RXRG: variants seen among roughly 807,000 people sequenced by gnomAD.
RXRG encodes the protein retinoid X receptor gamma, also known as retinoic acid receptor RXR-gamma.
In RXRG, 19 loss-of-function variants were observed where a neutral mutation model predicts 49.2. The ratio of observed to expected loss-of-function variants is 0.39; its 90% confidence interval spans 0.27 to 0.57. The LOEUF (loss-of-function observed/expected upper bound fraction) is 0.57, where lower values mean the gene tolerates loss of function less well. Ranked by LOEUF, RXRG falls within the 20% of genes least tolerant of loss-of-function variation. The probability of loss-of-function intolerance (pLI) is 0.64; values close to 1 mark genes in which losing one functional copy is unlikely to be tolerated. For synonymous variants in RXRG, 224 were observed against 216.6 expected, an observed-to-expected ratio of 1.03 and a Z score of -0.30; for missense variants, 452 against 592.5, an observed-to-expected ratio of 0.76 and a Z score of 2.46.
intron 9 of RXRG, among the ~76,000 whole-genome samples, chr1:165,406,367 G>C (rs543908123): frequency 6.6e-6 from 1 of 152,306 alleles, no homozygotes; most frequent in African/African-American, 2.4e-5. Context: ...GGTTTCTATG[G>C]GGGCAGACCA....
intron 9 of RXRG, among the ~76,000 whole-genome samples, chr1:165,401,807 G>A (rs902896388): frequency 3.3e-5 from 5 of 152,198 alleles, no homozygotes; most frequent in African/African-American, 4.8e-5. Context: ...AGAGCCAAGC[G>A]TGAGACACTG....
chr1:165,440,133 C>A (rs917730197), intron 1 of RXRG, among the ~76,000 whole-genome samples: 2 of 152,206 alleles, frequency 1.3e-5, no homozygotes, highest in Non-Finnish European at 2.9e-5. Context: ...TGGGTAACTG[C>A]TGTAAGAATT....
intron 9 of RXRG, among the ~76,000 whole-genome samples, 183 bp downstream of exon 9, chr1:165,406,629 G>A (rs535605431): frequency 6.6e-6 from 1 of 152,334 alleles, no homozygotes; most frequent in South Asian, 2.1e-4. Context: ...GGAGTGAATG[G>A]TGAGCAAGAC....
intron 4 of RXRG, among the ~76,000 whole-genome samples, chr1:165,414,912 C>A (rs1658079426): frequency 6.6e-6 from 1 of 152,174 alleles, no homozygotes; most frequent in Non-Finnish European, 1.5e-5. Context: ...CTGATTTCAG[C>A]ATTCAGTTTA....
chr1:165,407,006 T>C, intron 8 of RXRG, 89 bp from the exon 9 acceptor site: 1 of 856,210 alleles, frequency 1.2e-6, no homozygotes, highest in Non-Finnish European at 1.9e-6. Context: ...GTAGAGTTAC[T>C]AGAGACACCC....
At chr1:165,437,641 T>C (rs1313327250) in intron 1 of RXRG, among the ~76,000 whole-genome samples, 1 of 152,068 alleles carries the variant, frequency 6.6e-6, no homozygotes, top group Non-Finnish European at 1.5e-5. Context: ...TGCACATAAT[T>C]GATGTTCAAG....
chr1:165,408,100 C>T (rs1383213589), intron 8 of RXRG, 127 bp downstream of exon 8: 17 of 761,932 alleles, frequency 2.2e-5, no homozygotes, highest in Non-Finnish European at 3.3e-5. Flanking sequence ...ACTGTGAGCT[C>T]TCCTGGATTC....
intron 1 of RXRG, among the ~76,000 whole-genome samples, chr1:165,434,272 A>ATGTGTG (rs1491272318): frequency 0.017 from 1,105 of 66,744 alleles, 21 homozygotes; most frequent in Admixed American, 0.038. Context: ...AATGAATTGC[A>ATGTGTG]TGTGTGTATG....
At chr1:165,430,766 A>G (rs999928999) in intron 1 of RXRG, among the ~76,000 whole-genome samples, 2 of 152,260 alleles carry the variant, frequency 1.3e-5, no homozygotes, top group African/African-American at 4.8e-5. Context: ...ATAACTCTTT[A>G]TCCTGACAAT....
At chr1:165,419,711 G>A (rs157869) in intron 3 of RXRG, among the ~76,000 whole-genome samples, 159 bp downstream of exon 3, 64,055 of 152,072 alleles carry the variant, frequency 0.42, 14,207 homozygotes, top group African/African-American at 0.55. Flanking sequence ...TCATCAAAAC[G>A]GCAGCCTGTG....
intron 2 of RXRG, chr1:165,424,994 C>G: frequency 4.1e-6 from 4 of 983,746 alleles, no homozygotes; most frequent in Non-Finnish European, 4.8e-6. Context: ...TGAGCTTCCC[C>G]AGCACTTGGC....
chr1:165,410,799 A>G lies in RXRG; in HGVS notation c.816T>C (p.Ala272=). ...CGAGGGTGAAAAGCTGCTTGTCAGC[A>G]GCATGACATATGTTGGTAACAGGGT... ...TNDPVTNICH[A]ADKQLFTLVE... Residue 272 remains alanine (A), a synonymous_variant, in exon 6 of 10, where the codon GCT becomes GCC. Transcript: ENST00000359842. 1 of 1,614,226 alleles carries G rather than the reference A, an allele frequency of 6.2e-7. No individual in the cohort carries two copies. The highest frequency in any genetic ancestry group is 8.5e-7 in the Non-Finnish European group (1 of 1,180,024).
chr1:165,413,506 T>C (rs959656639), intron 4 of RXRG, among the ~76,000 whole-genome samples: 1 of 152,028 alleles, frequency 6.6e-6, no homozygotes, highest in Non-Finnish European at 1.5e-5. Context: ...AGCCAGCACA[T>C]GCACCCACAA....
intron 2 of RXRG, 98 bp downstream of exon 2, chr1:165,428,621 G>A (rs1415472146): frequency 1.7e-5 from 24 of 1,378,916 alleles, no homozygotes; most frequent in African/African-American, 1.0e-4. Context: ...TGGCAAGCAC[G>A]CATTATGGAC....
chr1:165,428,120 G>T (rs893762431), intron 2 of RXRG, among the ~76,000 whole-genome samples: 2 of 152,072 alleles, frequency 1.3e-5, no homozygotes, highest in African/African-American at 4.8e-5. Flanking sequence ...AGGCTCTGCA[G>T]AGTAGCAATC....
At chr1:165,429,632 G>A (rs547467169) in intron 1 of RXRG, among the ~76,000 whole-genome samples, 3 of 152,244 alleles carry the variant, frequency 2.0e-5, no homozygotes, top group Non-Finnish European at 2.9e-5. Context: ...ATAGTACAGG[G>A]TTAATTAGCA....
At position 165,444,945 on chromosome 1, in the gene RXRG, CCT is replaced by C; in HGVS notation, c.-54_-53del. On this transcript the variant is annotated 5_prime_UTR_variant, in exon 1 of 10. Transcript: ENST00000359842. ...CCTGTGCAGCTTCTAAATATTACCG[CCT>C]CTCTCGGCTCCCAGGCACAGCCCGG... The C allele has an allele frequency of 6.4e-7, 1 of 1,551,480 alleles. No individual in the cohort carries two copies. The highest frequency in any genetic ancestry group is 8.9e-7 in the Non-Finnish European group (1 of 1,122,960).
intron 3 of RXRG, among the ~76,000 whole-genome samples, chr1:165,418,567 G>A (rs902758622): frequency 1.3e-5 from 2 of 152,150 alleles, no homozygotes; most frequent in African/African-American, 4.8e-5. Flanking sequence ...CTGAAGAAAA[G>A]CCAGCCTTTG....
chr1:165,401,820 T>C (rs1196387538), intron 9 of RXRG, among the ~76,000 whole-genome samples: 3 of 152,250 alleles, frequency 2.0e-5, no homozygotes, highest in Non-Finnish European at 4.4e-5. Context: ...AGACACTGAA[T>C]GTGCTCAACC....
Sources: allele counts gnomAD v4.1 joint callset (sites outside exome capture counted in the v4.1 genomes callset), GRCh38; gene constraint gnomAD v4.1.1; transcripts MANE v1.5; gene names NCBI Gene and HGNC (gene_info 2026-07-23, HGNC 2026-07-21).